Variants in ASAP1 observed in about 807,000 individuals in gnomAD.
ASAP1 encodes ArfGAP with SH3 domain, ankyrin repeat and PH domain 1.
A neutral mutation model predicts 145.2 loss-of-function variants in ASAP1; 43 were observed. That is an observed-to-expected ratio of 0.30 (90% CI 0.23 to 0.38). The LOEUF (loss-of-function observed/expected upper bound fraction) is 0.38, where lower values mean the gene tolerates loss of function less well. ASAP1 is among the 10% of genes least tolerant of loss of function. The pLI is 1.00. For synonymous variants in ASAP1, 546 were observed against 515.5 expected, an observed-to-expected ratio of 1.06 and a Z score of -0.80; for missense variants, 1,018 against 1,355.3, an observed-to-expected ratio of 0.75 and a Z score of 3.91.
At chr8:130,422,260 G>A (rs1428565900) in intron 1 of ASAP1, among the ~76,000 whole-genome samples, 1 of 152,132 alleles carries the variant, frequency 6.6e-6, no homozygotes, top group East Asian at 1.9e-4. Context: ...GAAGAAGGGG[G>A]CGTGGAGATG....
At chr8:130,311,944 C>A (rs1218873558) in intron 3 of ASAP1, among the ~76,000 whole-genome samples, 1 of 151,902 alleles carries the variant, frequency 6.6e-6, no homozygotes, top group Non-Finnish European at 1.5e-5. Context: ...ATTAATTGTA[C>A]TCCTTCTAAA....
At chr8:130,354,466 C>T (rs536338693) in intron 3 of ASAP1, among the ~76,000 whole-genome samples, 55 of 152,272 alleles carry the variant, frequency 3.6e-4, no homozygotes, top group African/African-American at 1.2e-3. Context: ...AAGTAGACTT[C>T]CATTTATCAT....
intron 2 of ASAP1, among the ~76,000 whole-genome samples, chr8:130,369,975 G>A (rs1327248101): frequency 6.6e-6 from 1 of 152,132 alleles, no homozygotes; most frequent in African/African-American, 2.4e-5. Flanking sequence ...TCATGAGGGT[G>A]GAGCCCTCAT....
At chr8:130,317,344 A>C (rs1823727021) in intron 3 of ASAP1, among the ~76,000 whole-genome samples, 2 of 152,188 alleles carry the variant, frequency 1.3e-5, no homozygotes, top group African/African-American at 4.8e-5. Flanking sequence ...TGGGCAAGAG[A>C]GAATGACCCT....
intron 3 of ASAP1, among the ~76,000 whole-genome samples, chr8:130,338,429 C>T (rs1019218949): frequency 6.6e-6 from 1 of 152,118 alleles, no homozygotes; most frequent in African/African-American, 2.4e-5. Flanking sequence ...CAACAAAGAA[C>T]AGCCAGCAAC....
chr8:130,327,381 C>G (rs1824403910), intron 3 of ASAP1, among the ~76,000 whole-genome samples: 1 of 152,150 alleles, frequency 6.6e-6, no homozygotes, highest in Non-Finnish European at 1.5e-5. Flanking sequence ...GTTACCAAAG[C>G]TTGGCTCCAG....
intron 1 of ASAP1, among the ~76,000 whole-genome samples, chr8:130,439,492 A>G (rs1830421768): frequency 6.6e-6 from 1 of 152,232 alleles, no homozygotes; most frequent in Non-Finnish European, 1.5e-5. Context: ...AATAATAATA[A>G]TAGCTAACAT....
intron 27 of ASAP1, among the ~76,000 whole-genome samples, chr8:130,067,264 A>G (rs2097432692): frequency 6.6e-6 from 1 of 152,190 alleles, no homozygotes; most frequent in Non-Finnish European, 1.5e-5. Context: ...GACCCATACT[A>G]GAGTTAGATG....
intron 27 of ASAP1, among the ~76,000 whole-genome samples, chr8:130,071,365 G>C (rs772433910): frequency 6.6e-6 from 1 of 152,214 alleles, no homozygotes; most frequent in Non-Finnish European, 1.5e-5. Context: ...ATGGGGGTGA[G>C]ATGTGCCTTC....
intron 8 of ASAP1, among the ~76,000 whole-genome samples, chr8:130,179,967 G>C (rs1266571341): frequency 2.1e-5 from 3 of 144,202 alleles, no homozygotes; most frequent in African/African-American, 5.1e-5. Context: ...ACAGAAAAAA[G>C]AGAGAAAGAG....
intron 7 of ASAP1, among the ~76,000 whole-genome samples, chr8:130,182,504 T>C (rs535083086): frequency 6.6e-6 from 1 of 152,110 alleles, no homozygotes. Flanking sequence ...GACACTGACA[T>C]TTGGAAAACC....
At chr8:130,093,283 T>C (rs1243035643) in intron 24 of ASAP1, among the ~76,000 whole-genome samples, 5 of 152,192 alleles carry the variant, frequency 3.3e-5, no homozygotes, top group African/African-American at 1.2e-4. Context: ...GTGCCAGGTA[T>C]TCCATGCTGG....
In ASAP1 at chr8:130,352,723, T is replaced by C. The variant is rs909134963; in HGVS notation, c.186+5294A>G. ...ATCTATAAAATGGAGCCATTGATGA[T>C]AGTAGGGTGAAAAAAGGTATTAAAT... On this transcript the variant is annotated intron_variant, in intron 3 of 29. Coordinates refer to ENST00000518721, the MANE Select transcript of ASAP1 (RefSeq NM_018482.4). Among the ~76,000 whole-genome samples, 92 of 152,324 alleles carry C rather than the reference T, an allele frequency of 6.0e-4. 1 individual carries two copies. The highest frequency in any genetic ancestry group is 1.9e-3 in the African/African-American group (81 of 41,562).
intron 2 of ASAP1, among the ~76,000 whole-genome samples, chr8:130,401,599 G>A (rs1828798758): frequency 1.3e-5 from 2 of 152,152 alleles, no homozygotes; most frequent in Non-Finnish European, 1.5e-5. Flanking sequence ...ACCTTATAGT[G>A]TTGCTGGTGT....
intron 11 of ASAP1, among the ~76,000 whole-genome samples, chr8:130,166,888 T>G (rs530462905): frequency 5.3e-5 from 8 of 152,218 alleles, no homozygotes; most frequent in Non-Finnish European, 1.0e-4. Context: ...CCCTGGCAAA[T>G]GAGACATGCC....
At chr8:130,186,928 G>A (rs1170683049) in intron 7 of ASAP1, among the ~76,000 whole-genome samples, 1 of 152,072 alleles carries the variant, frequency 6.6e-6, no homozygotes, top group Non-Finnish European at 1.5e-5. Flanking sequence ...ATAATTACAT[G>A]CTATCTATAA....
rs147993979 is a variant in ASAP1, at chr8:130,162,168, T to C, written c.910-2204A>G. Among the ~76,000 whole-genome samples the C allele has an allele frequency of 3.5e-3, 535 of 152,296 alleles. 2 individuals carry two copies. Among genetic ancestry groups the C allele is most frequent in the African/African-American group, 0.012 (516 of 41,558 alleles). Reference sequence around the variant, plus strand: ...GTAATGTGGTTCACTAAGTCCTCCCTAATAGATATTTTCACACTTTCTAAA... The same window carrying C: ...GTAATGTGGTTCACTAAGTCCTCCCCAATAGATATTTTCACACTTTCTAAA... On this transcript the variant is annotated intron_variant, in intron 11 of 29. Transcript: ENST00000518721.
chr8:130,131,884 G>A (rs1403131798), intron 15 of ASAP1, among the ~76,000 whole-genome samples: 2 of 152,114 alleles, frequency 1.3e-5, no homozygotes, highest in Non-Finnish European at 2.9e-5. Flanking sequence ...TAAGTCTCAC[G>A]GGCAGGACAC....
intron 8 of ASAP1, 90 bp from the exon 9 acceptor site, chr8:130,179,439 C>T (rs1394618655): frequency 2.7e-6 from 2 of 745,004 alleles, no homozygotes; most frequent in East Asian, 2.7e-5. Context: ...ACCCCTGAAT[C>T]TGCACAAGTT....
Sources: gnomAD v4.1 joint callset for allele counts (sites outside exome capture counted in the v4.1 genomes callset) on GRCh38, gnomAD v4.1.1 for gene constraint, MANE v1.5 for transcripts, NCBI Gene and HGNC (gene_info 2026-07-23, HGNC 2026-07-21) for gene names.